Variants in SMARCD3 observed in about 807,000 individuals in gnomAD.
SMARCD3 encodes the protein SWI/SNF related BAF chromatin remodeling complex subunit D3, also known as SWI/SNF-related matrix-associated actin-dependent regulator of chromatin subfamily D member 3.
Under a neutral mutation model 58.0 loss-of-function variants are expected in SMARCD3, and 14 were observed. That is an observed-to-expected ratio of 0.24 (90% CI 0.16 to 0.38). The LOEUF is 0.38. Ranked by LOEUF, SMARCD3 falls within the 10% of genes least tolerant of loss-of-function variation. SMARCD3 has a pLI of 1.00. For missense variants in SMARCD3, 408 were observed against 636.9 expected (o/e 0.64, Z 3.87); for synonymous variants, 253 against 253.8 (o/e 1.00, Z 0.03).
Position 151,242,884 on chromosome 7 carries a change from C to T in SMARCD3, c.334-41G>A. 2 of 1,611,608 alleles carry T rather than the reference C, an allele frequency of 1.2e-6. No individual in the cohort carries two copies. The highest frequency in any genetic ancestry group is 1.7e-6 in the Non-Finnish European group (2 of 1,178,894). On this transcript the variant is annotated intron_variant, in intron 3 of 12. Coordinates refer to ENST00000262188, the MANE Select transcript of SMARCD3 (RefSeq NM_001003801.2). The surrounding 1 kb of genome is among the most constrained non-coding windows in gnomAD (Gnocchi z 4.7). ...CAGGGCAGGAGTCAGAGGCTCAAGTCCAGGGTTGTACCATGGAATGTATGC... is the reference window on the plus strand; with the variant it reads ...CAGGGCAGGAGTCAGAGGCTCAAGTTCAGGGTTGTACCATGGAATGTATGC...
chr7:151,251,718 G>A (rs1477637954), upstream of SMARCD3, among the ~76,000 whole-genome samples: 1 of 151,984 alleles, frequency 6.6e-6, no homozygotes, highest in Non-Finnish European at 1.5e-5. Context: ...GGCGAGGGCG[G>A]CCGCCCGGCG....
chr7:151,240,303 C>T (rs1410831336), intron 9 of SMARCD3, 56 bp from the exon 10 acceptor site: 2 of 1,612,608 alleles, frequency 1.2e-6, no homozygotes, highest in African/African-American at 2.7e-5. Flanking sequence ...GCCCCAGGGC[C>T]CCGGGGCTGG....
At chr7:151,265,961 T>TTTTTC (rs1344442083) in intron 2 of SMARCD3, among the ~76,000 whole-genome samples, 1 of 152,056 alleles carries the variant, frequency 6.6e-6, no homozygotes, top group Non-Finnish European at 1.5e-5. Context: ...TAACCTCAAT[T>TTTTTC]TTTTCTTTTC....
rs777853266 is a variant in SMARCD3, at chr7:151,245,061, G to A, written c.290+399C>T. On this transcript the variant is annotated intron_variant, in intron 2 of 12. Transcript: ENST00000262188. This position sits in a 1 kb window ranked among gnomAD's most constrained non-coding sequence, Gnocchi z 6.2. ...GAAACAGCCCGGGGGCCGGCAGGAA[G>A]GCTCAGCGGAGAACCACACTTTGGG... Among the ~76,000 whole-genome samples, 1 of 152,190 alleles carries A rather than the reference G, an allele frequency of 6.6e-6. No individual in the cohort carries two copies. The highest frequency in any genetic ancestry group is 2.4e-5 in the African/African-American group (1 of 41,434).
At chr7:151,244,266 C>T (rs1051469029) in intron 2 of SMARCD3, among the ~76,000 whole-genome samples, 18 of 145,736 alleles carry the variant, frequency 1.2e-4, no homozygotes, top group African/African-American at 4.0e-4. Flanking sequence ...CCTGGGACTA[C>T]CTGGCAACAG....
At chr7:151,248,698 G>A (rs1398184296), upstream of SMARCD3, 1 of 1,386,026 alleles carries the variant, frequency 7.2e-7, no homozygotes, top group Non-Finnish European at 9.4e-7. This position sits in a 1 kb window ranked among gnomAD's most constrained non-coding sequence, Gnocchi z 6.1. Flanking sequence ...GCGGAGTGGG[G>A]AGGGGGCCCC....
rs750086442 is a variant in SMARCD3, at chr7:151,239,127, C to A, written c.1428G>T (p.Gln476His). 1.2e-6 allele frequency: 2 copies of A among 1,614,186 alleles called. No individual in the cohort carries two copies. ...KIQQRRQELEQSLVVRNT is the reference protein window; with the variant it reads ...KIQQRRQELEHSLVVRNT Reference sequence around the variant, plus strand: ...CCTAGGTGTTGCGCACAACCAGCGACTGCTCCAGCTCCTGCCTGCGCTGCT... The same window carrying A: ...CCTAGGTGTTGCGCACAACCAGCGAATGCTCCAGCTCCTGCCTGCGCTGCT... The change falls in exon 13 of 13, where the codon CAG becomes CAT. Residue 476 changes from glutamine (Q) to histidine (H), a missense_variant. Transcript: ENST00000262188. The surrounding 1 kb of genome is among the most constrained non-coding windows in gnomAD (Gnocchi z 7.0).
chr7:151,264,880 TTCA>T (rs1361196652), intron 2 of SMARCD3, among the ~76,000 whole-genome samples: 1 of 152,184 alleles, frequency 6.6e-6, no homozygotes, highest in Non-Finnish European at 1.5e-5. Context: ...CCTGTGGCTC[TTCA>T]TGGAGCCAGG....
chr7:151,255,880 T>C (rs893318454), intron 2 of SMARCD3, among the ~76,000 whole-genome samples: 3 of 150,798 alleles, frequency 2.0e-5, no homozygotes, highest in South Asian at 2.1e-4. Context: ...CTCCCTTGCA[T>C]GTACTTTTTT....
chr7:151,244,029 G>C (rs1254057300), intron 2 of SMARCD3, among the ~76,000 whole-genome samples: 1 of 152,216 alleles, frequency 6.6e-6, no homozygotes, highest in Non-Finnish European at 1.5e-5. Flanking sequence ...TTTGAGGAAA[G>C]GTGGGGATGA....
Position 151,243,617 on chromosome 7 carries a change from AGGGT to A in SMARCD3, c.333+38_333+41del. 1 of 962,034 alleles carries A rather than the reference AGGGT, an allele frequency of 1.0e-6. No individual in the cohort carries two copies. Among genetic ancestry groups the A allele is most frequent in the Non-Finnish European group, 1.6e-6 (1 of 618,322 alleles). 59.6% of individuals were successfully genotyped at this position (962,034 alleles called of 1,614,324 possible). A position where few individuals can be genotyped will look rare whatever the true frequency, so the allele number is the denominator to read the frequency against. ...GGGGGAGGGGAGGGCGGAGCAGCAA[AGGGT>A]GGGGGGTGGGCTGGGGGCTGCTGTG... On this transcript the variant is annotated intron_variant, in intron 3 of 12. Coordinates refer to ENST00000262188, the MANE Select transcript of SMARCD3 (RefSeq NM_001003801.2). The surrounding 1 kb of genome is among the most constrained non-coding windows in gnomAD (Gnocchi z 4.4).
chr7:151,263,160 C>T (rs1484806582), intron 2 of SMARCD3, among the ~76,000 whole-genome samples: 1 of 152,108 alleles, frequency 6.6e-6, no homozygotes, highest in Non-Finnish European at 1.5e-5. Flanking sequence ...GATTTTCATC[C>T]AGGTAGCCTG....
In SMARCD3 at chr7:151,243,531, TTAA is replaced by T. The variant is rs1803103287; in HGVS notation, c.333+125_333+127del. The T allele has an allele frequency of 1.6e-5, 11 of 686,560 alleles. No homozygotes were observed. In the East Asian group the frequency reaches 2.9e-4, roughly 18 times the overall value. 42.5% of individuals were successfully genotyped at this position (686,560 alleles called of 1,614,324 possible). A position where few individuals can be genotyped will look rare whatever the true frequency, so the allele number is the denominator to read the frequency against. Reference sequence around the variant, plus strand: ...CCTCTGGCCTGCGGAGCCTCACTTATTAATGAGCTTTTTTAAACAAAAAGTGAA... The same window carrying T: ...CCTCTGGCCTGCGGAGCCTCACTTATTGAGCTTTTTTAAACAAAAAGTGAA... On this transcript the variant is annotated intron_variant, in intron 3 of 12. Coordinates refer to ENST00000262188, the MANE Select transcript of SMARCD3 (RefSeq NM_001003801.2). The surrounding 1 kb of genome is among the most constrained non-coding windows in gnomAD (Gnocchi z 4.4).
chr7:151,276,248 A>T (rs962919233), intron 1 of SMARCD3, among the ~76,000 whole-genome samples: 1 of 151,700 alleles, frequency 6.6e-6, no homozygotes, highest in Non-Finnish European at 1.5e-5. Context: ...AGAAGGTGCC[A>T]GGCAGGGGAA....
chr7:151,262,180 A>C (rs1803939428), intron 2 of SMARCD3, among the ~76,000 whole-genome samples: 1 of 151,956 alleles, frequency 6.6e-6, no homozygotes, highest in African/African-American at 2.4e-5. Flanking sequence ...TCCTGGGCTC[A>C]AGCTATCTTC....
Position 151,246,230 on chromosome 7 carries a change from T to G in SMARCD3, c.79-559A>C, listed in dbSNP as rs1002265337. ...CTTCTGCTCCTCCTCCTGCTCCTCC[T>G]TCTCAGGCTCCACTTCTTGGGCGGT... On this transcript the variant is annotated intron_variant, in intron 1 of 12. Transcript: ENST00000262188. The surrounding 1 kb of genome is among the most constrained non-coding windows in gnomAD (Gnocchi z 4.4). 2 of 153,108 alleles carry G rather than the reference T, an allele frequency of 1.3e-5. No homozygotes were observed. Among genetic ancestry groups the G allele is most frequent in the African/African-American group, 4.8e-5 (2 of 41,404 alleles). 9.5% of individuals were successfully genotyped at this position (153,108 alleles called of 1,614,324 possible). A position where few individuals can be genotyped will look rare whatever the true frequency, so the allele number is the denominator to read the frequency against.
At chr7:151,262,936 C>G (rs1803963457) in intron 2 of SMARCD3, among the ~76,000 whole-genome samples, 1 of 152,202 alleles carries the variant, frequency 6.6e-6, no homozygotes. Flanking sequence ...GACAGGTGCC[C>G]TGCAGAGCCC....
chr7:151,266,216 C>T (rs2150613396), intron 2 of SMARCD3, among the ~76,000 whole-genome samples: 2 of 152,192 alleles, frequency 1.3e-5, no homozygotes, highest in South Asian at 4.1e-4. Flanking sequence ...ATGATCCACC[C>T]ACCTCAGCCT....
intron 2 of SMARCD3, among the ~76,000 whole-genome samples, chr7:151,264,290 A>G (rs1804013883): frequency 6.6e-6 from 1 of 151,950 alleles, no homozygotes; most frequent in African/African-American, 2.4e-5. Context: ...AACTCCTGAC[A>G]TCAAGTGATC....
Sources: gnomAD v4.1 joint callset for allele counts (sites outside exome capture counted in the v4.1 genomes callset) on GRCh38, gnomAD v4.1.1 for gene constraint, Gnocchi (gnomAD v3.1) non-coding constraint, MANE v1.5 for transcripts, NCBI Gene and HGNC (gene_info 2026-07-23, HGNC 2026-07-21) for gene names.